CDHR1: variants seen among roughly 807,000 people sequenced by gnomAD.
CDHR1 encodes the protein cadherin related family member 1.
CDHR1 carries 61 observed loss-of-function variants against 72.1 expected under a neutral mutation model. The ratio of observed to expected loss-of-function variants is 0.85; its 90% CI spans 0.69 to 1.05. CDHR1 has a LOEUF of 1.05. Among genes scored for constraint, CDHR1 ranks in the 50% least tolerant of loss-of-function variants. The pLI, the probability that CDHR1 is intolerant of heterozygous loss-of-function variation, is 0.00. For synonymous variants in CDHR1, 470 were observed against 448.1 expected, an observed-to-expected ratio of 1.05 and a Z score of -0.62; for missense variants, 1,186 against 1,115.7, an observed-to-expected ratio of 1.06 and a Z score of -0.90.
chr10:84,196,854 C>T (rs1449433284), intron 3 of CDHR1, among the ~76,000 whole-genome samples: 1 of 152,248 alleles, frequency 6.6e-6, no homozygotes, highest in East Asian at 1.9e-4. Context: ...CTCCTTCACA[C>T]AGAGCGAAGA....
chr10:84,195,025 T>C (rs1251833595), intron 1 of CDHR1, among the ~76,000 whole-genome samples: 1 of 152,146 alleles, frequency 6.6e-6, no homozygotes, highest in Non-Finnish European at 1.5e-5. Context: ...GGGGCGCTTC[T>C]CCAGAGCTGG....
intron 15 of CDHR1, among the ~76,000 whole-genome samples, 171 bp downstream of exon 15, chr10:84,212,578 T>C (rs1037989068): frequency 3.3e-5 from 5 of 152,172 alleles, no homozygotes; most frequent in African/African-American, 1.2e-4. Context: ...AGAATTAAAC[T>C]CTGAGAAAGA....
chr10:84,218,173 A>G lies in CDHR1; in HGVS notation c.*3552A>G, dbSNP rs1056732424. ...GAAGATGCCACATGAGGAATGAGGCAGGAGACTGGCATGTGCCACATGGAG... is the reference window on the plus strand; with the variant it reads ...GAAGATGCCACATGAGGAATGAGGCGGGAGACTGGCATGTGCCACATGGAG... On this transcript the variant is annotated 3_prime_UTR_variant, in exon 17 of 17. Transcript: ENST00000623527. The G allele has an allele frequency of 4.1e-6, 4 of 985,498 alleles. No homozygotes were observed. Among genetic ancestry groups the G allele is most frequent in the Non-Finnish European group, 4.8e-6 (4 of 829,962 alleles). The allele number at this position is 985,498 out of a possible 1,614,324, so 61.0% of individuals were successfully genotyped here. A position where few individuals can be genotyped will look rare whatever the true frequency, so the allele number is the denominator to read the frequency against.
At chr10:84,197,666 C>A in intron 3 of CDHR1, 120 bp from the exon 4 acceptor site, 1 of 902,254 alleles carries the variant, frequency 1.1e-6, no homozygotes. Context: ...CTCCAGGGAT[C>A]TATTGGCACG....
chr10:84,215,142 A>C lies in CDHR1; in HGVS notation c.*521A>C. The C allele has an allele frequency of 2.0e-6, 2 of 1,019,332 alleles. No individual in the cohort carries two copies. Among genetic ancestry groups the C allele is most frequent in the Non-Finnish European group, 2.4e-6 (2 of 850,028 alleles). The allele number at this position is 1,019,332 out of a possible 1,614,324, so 63.1% of individuals were successfully genotyped here. ...CGAACCTCGTGGGCTGTAGGAAAGC[A>C]AATGTAGGTAAGGGGAGAGCAAGGA... is the stretch of plus-strand genomic sequence containing the variant. On this transcript the variant is annotated 3_prime_UTR_variant, in exon 17 of 17. Transcript: ENST00000623527.
chr10:84,202,595 A>T (rs562862246), intron 7 of CDHR1, among the ~76,000 whole-genome samples: 2 of 152,304 alleles, frequency 1.3e-5, no homozygotes, highest in East Asian at 3.9e-4. Context: ...TATGATGCTC[A>T]GTGCGGGGCC....
chr10:84,204,679 A>C lies in CDHR1; in HGVS notation c.862+74A>C, dbSNP rs1842193191. On this transcript the variant is annotated intron_variant, in intron 9 of 16. Transcript: ENST00000623527. The stretch of plus-strand genomic sequence containing the variant: ...CAGAGCAAGGTTCCTCAACCTCTCT[A>C]GATTCCAGCTCCCTCACCTGTAGGA... 6 of 970,080 alleles carry C rather than the reference A, an allele frequency of 6.2e-6. No individual in the cohort carries two copies. In the Admixed American group the frequency reaches 1.0e-4, roughly 16 times the overall value. The allele number at this position is 970,080 out of a possible 1,614,324, so 60.1% of individuals were successfully genotyped here. A position where few individuals can be genotyped will look rare whatever the true frequency, so the allele number is the denominator to read the frequency against.
At chr10:84,208,118 G>A in intron 10 of CDHR1, 56 bp from the exon 11 acceptor site, 2 of 1,483,246 alleles carry the variant, frequency 1.3e-6, no homozygotes, top group Non-Finnish European at 1.9e-6. Flanking sequence ...GGTAGGAGCT[G>A]GACCATATGA....
intron 14 of CDHR1, 105 bp from the exon 15 acceptor site, chr10:84,212,074 C>A: frequency 2.0e-6 from 2 of 998,138 alleles, no homozygotes; most frequent in Non-Finnish European, 3.2e-6. Flanking sequence ...AGCTGCATGA[C>A]ACCTCACTCC....
chr10:84,203,255 G>T, intron 8 of CDHR1, 132 bp downstream of exon 8: 1 of 1,166,576 alleles, frequency 8.6e-7, no homozygotes, highest in Non-Finnish European at 1.3e-6. Context: ...GGCCAGCTCT[G>T]GACTCACCCA....
At chr10:84,201,387 C>T (rs1165678118) in intron 6 of CDHR1, among the ~76,000 whole-genome samples, 5 of 152,116 alleles carry the variant, frequency 3.3e-5, no homozygotes, top group African/African-American at 7.2e-5. Flanking sequence ...GGGACTGGCC[C>T]GCAGTCACTT....
rs1408927912 is a variant in CDHR1, at chr10:84,211,635, C to T, written c.1486-13C>T. 1.2e-6 allele frequency: 2 copies of T among 1,613,906 alleles called. No homozygotes were observed. The highest frequency in any genetic ancestry group is 8.5e-7 in the Non-Finnish European group (1 of 1,179,748). On this transcript the variant is annotated splice_polypyrimidine_tract_variant and intron_variant, in intron 13 of 16. Transcript: ENST00000623527. ...AAAGAGGCACGTGCCACCCAGGGCT[C>T]TTTCTCTTCCAGGCTGTGGATCCAG...
At position 84,214,462 on chromosome 10, in the gene CDHR1, C is replaced by G; in HGVS notation, c.2421C>G (p.Ala807=). ...GCGTGGCGCCCAGCACTGGCGCAGCCCAGTGGACCGTGCCTACTGTCTCTG... is the reference window on the plus strand; with the variant it reads ...GCGTGGCGCCCAGCACTGGCGCAGCGCAGTGGACCGTGCCTACTGTCTCTG... ...PPSVAPSTGA[A]QWTVPTVSGS... is the part of the protein sequence containing the mutation. The change falls in exon 17 of 17, where the codon GCC becomes GCG. Residue 807 remains alanine (A), a synonymous_variant. Transcript: ENST00000623527. The G allele has an allele frequency of 6.2e-7, 1 of 1,611,472 alleles. No individual in the cohort carries two copies. Among genetic ancestry groups the G allele is most frequent in the Non-Finnish European group, 8.5e-7 (1 of 1,179,878 alleles).
Position 84,216,528 on chromosome 10 carries a change from T to C in CDHR1, c.*1907T>C. ...AATAAAGTCTGTTACCCAAAGGCCA[T>C]GCTGATCCCCTGCTCCCTGCTTTCA... On this transcript the variant is annotated 3_prime_UTR_variant, in exon 17 of 17. Transcript: ENST00000623527. The C allele has an allele frequency of 2.0e-6, 2 of 985,528 alleles. No homozygotes were observed. The highest frequency in any genetic ancestry group is 2.4e-6 in the Non-Finnish European group (2 of 829,970). The allele number at this position is 985,528 out of a possible 1,614,324, so 61.0% of individuals were successfully genotyped here. A position where few individuals can be genotyped will look rare whatever the true frequency, so the allele number is the denominator to read the frequency against.
In CDHR1 at chr10:84,216,110, T is replaced by C; in HGVS notation, c.*1489T>C. 3 of 985,464 alleles carry C rather than the reference T, an allele frequency of 3.0e-6. No homozygotes were observed. The highest frequency in any genetic ancestry group is 3.6e-6 in the Non-Finnish European group (3 of 829,944). The allele number at this position is 985,464 out of a possible 1,614,324, so 61.0% of individuals were successfully genotyped here. Reference sequence around the variant, plus strand: ...AGGTTGTGCCCTGCTTTAAGGAACCTGCTATCAGGAAATCTACATGTGTGC... The same window carrying C: ...AGGTTGTGCCCTGCTTTAAGGAACCCGCTATCAGGAAATCTACATGTGTGC... On this transcript the variant is annotated 3_prime_UTR_variant, in exon 17 of 17. Transcript: ENST00000623527.
intron 9 of CDHR1, among the ~76,000 whole-genome samples, 192 bp downstream of exon 9, chr10:84,204,797 C>T (rs1293208497): frequency 6.6e-6 from 1 of 152,156 alleles, no homozygotes; most frequent in African/African-American, 2.4e-5. Context: ...TCATGATATC[C>T]AACAGCCAAG....
intron 6 of CDHR1, among the ~76,000 whole-genome samples, chr10:84,201,517 G>A (rs1842124635): frequency 6.6e-6 from 1 of 152,230 alleles, no homozygotes; most frequent in Admixed American, 6.5e-5. Context: ...CTCCAGGCCA[G>A]AGCTAAGCCC....
intron 12 of CDHR1, 76 bp from the exon 13 acceptor site, chr10:84,210,925 T>G (rs1237958710): frequency 1.6e-5 from 24 of 1,487,406 alleles, no homozygotes; most frequent in Non-Finnish European, 2.3e-5. Flanking sequence ...ACATCAGTCC[T>G]GGGGAGATGA....
chr10:84,208,822 A>G lies in CDHR1; in HGVS notation c.1261A>G (p.Ile421Val). 1 of 1,614,196 alleles carries G rather than the reference A, an allele frequency of 6.2e-7. No individual in the cohort carries two copies. The highest frequency in any genetic ancestry group is 1.1e-5 in the South Asian group (1 of 91,086). ...QTVLNEAQVTIIVENSAAIDF... is the reference protein window; with the variant it reads ...QTVLNEAQVTVIVENSAAIDF... ...AGTCCTGAATGAAGCCCAAGTCACAATCATTGTGGAGAACTCAGCTGCCAT... is the reference window on the plus strand; with the variant it reads ...AGTCCTGAATGAAGCCCAAGTCACAGTCATTGTGGAGAACTCAGCTGCCAT... The change falls in exon 12 of 17, where the codon ATC (isoleucine) becomes GTC (valine). Residue 421 changes from isoleucine to valine, a missense_variant. Physicochemically the swap from Ile to Val is conservative, Grantham distance 29. Transcript: ENST00000623527.
Sources: gnomAD v4.1 joint callset for allele counts (sites outside exome capture counted in the v4.1 genomes callset) on GRCh38, gnomAD v4.1.1 for gene constraint, MANE v1.5 for transcripts, NCBI Gene and HGNC (gene_info 2026-07-23, HGNC 2026-07-21) for gene names.